Variants in RAB27B observed in about 807,000 individuals in gnomAD.
The protein encoded by RAB27B is ras-related protein Rab-27B.
In RAB27B, 15 loss-of-function variants were observed where a neutral mutation model predicts 24.6. That is an observed-to-expected ratio of 0.61 (90% CI 0.41 to 0.94). The LOEUF is 0.94. RAB27B is among the 40% of genes least tolerant of loss of function. The pLI is 0.00. For missense variants in RAB27B, 261 were observed against 266.8 expected, an observed-to-expected ratio of 0.98 and a Z score of 0.15; for synonymous variants, 105 against 92.5, an observed-to-expected ratio of 1.14 and a Z score of -0.78.
intron 2 of RAB27B, among the ~76,000 whole-genome samples, chr18:54,741,341 T>A (rs902193462): frequency 1.3e-5 from 2 of 152,146 alleles, no homozygotes; most frequent in Non-Finnish European, 2.9e-5. Context: ...CAAAGATGAA[T>A]GTATATTATT....
chr18:54,764,411 C>T (rs1319154603), intron 2 of RAB27B, among the ~76,000 whole-genome samples: 2 of 152,132 alleles, frequency 1.3e-5, no homozygotes, highest in South Asian at 2.1e-4. Flanking sequence ...AGCCATACTC[C>T]ATGTTGAGTG....
chr18:54,820,628 C>G (rs1319239967), intron 2 of RAB27B, among the ~76,000 whole-genome samples: 6 of 152,134 alleles, frequency 3.9e-5, no homozygotes, highest in East Asian at 1.9e-4. Flanking sequence ...TAATTAGATC[C>G]CATTTGTCAA....
intron 2 of RAB27B, among the ~76,000 whole-genome samples, chr18:54,757,299 T>C (rs1176215238): frequency 6.6e-6 from 1 of 152,114 alleles, no homozygotes; most frequent in Non-Finnish European, 1.5e-5. Flanking sequence ...AATGCAGAGA[T>C]AAAATTTGAG....
At chr18:54,877,872 T>C in intron 2 of RAB27B, 134 bp downstream of exon 2, 1 of 956,760 alleles carries the variant, frequency 1.0e-6, no homozygotes, top group Non-Finnish European at 1.5e-6. Context: ...TAATTTATTT[T>C]AGAATATTAT....
At chr18:54,841,703 AGGTCCACC>A (rs199523857) in intron 1 of RAB27B, among the ~76,000 whole-genome samples, 1,573 of 152,338 alleles carry the variant, frequency 0.01, 26 homozygotes, top group African/African-American at 0.034. Flanking sequence ...TTCAGCAAAC[AGGTCCACC>A]GTTGTAAACT....
intron 2 of RAB27B, among the ~76,000 whole-genome samples, chr18:54,773,703 TCTCA>T (rs971936791): frequency 1.4e-4 from 21 of 146,240 alleles, no homozygotes; most frequent in African/African-American, 5.3e-4. Flanking sequence ...TGAGACAGAG[TCTCA>T]CTCTGTCACC....
chr18:54,758,761 A>T (rs1047410480), intron 2 of RAB27B, among the ~76,000 whole-genome samples: 1 of 152,128 alleles, frequency 6.6e-6, no homozygotes, highest in African/African-American at 2.4e-5. Flanking sequence ...AAGGCATTCG[A>T]TGGTGATTCT....
intron 1 of RAB27B, among the ~76,000 whole-genome samples, chr18:54,855,916 C>A (rs1331583598): frequency 6.6e-6 from 1 of 152,176 alleles, no homozygotes; most frequent in African/African-American, 2.4e-5. Flanking sequence ...TATTATACAA[C>A]CACACTGAAT....
At chr18:54,786,712 A>G (rs891365476) in intron 2 of RAB27B, among the ~76,000 whole-genome samples, 2 of 152,230 alleles carry the variant, frequency 1.3e-5, no homozygotes, top group African/African-American at 4.8e-5. Context: ...TAAAATCACT[A>G]TGAAACCTAA....
In RAB27B at chr18:54,892,695, C is replaced by A. The variant is rs1197396244; in HGVS notation, c.*3282C>A. Reference sequence around the variant, plus strand: ...TCCATAAGAGTTTTAAAACTCTTGCCAGTTACCACTTTATCCAATTTGCTA... The same window carrying A: ...TCCATAAGAGTTTTAAAACTCTTGCAAGTTACCACTTTATCCAATTTGCTA... On this transcript the variant is annotated 3_prime_UTR_variant, in exon 6 of 6. Coordinates refer to ENST00000262094, the MANE Select transcript of RAB27B (RefSeq NM_004163.4). The A allele has an allele frequency of 1.3e-5, 2 of 152,014 alleles. No homozygotes were observed. Among genetic ancestry groups the A allele is most frequent in the Non-Finnish European group, 2.9e-5 (2 of 67,958 alleles). 9.4% of individuals were successfully genotyped at this position (152,014 alleles called of 1,614,324 possible).
chr18:54,762,850 C>T (rs894693660), intron 2 of RAB27B, among the ~76,000 whole-genome samples: 14 of 152,310 alleles, frequency 9.2e-5, no homozygotes, highest in East Asian at 1.9e-4. Context: ...CTCCAGTTTG[C>T]AGGCTCTGTG....
At chr18:54,760,677 G>A (rs1357663801) in intron 2 of RAB27B, among the ~76,000 whole-genome samples, 4 of 152,084 alleles carry the variant, frequency 2.6e-5, no homozygotes, top group South Asian at 4.1e-4. Flanking sequence ...ACAGGGTAAC[G>A]TAACACAGAG....
intron 2 of RAB27B, among the ~76,000 whole-genome samples, chr18:54,720,511 C>G (rs1248832780): frequency 1.3e-5 from 2 of 152,028 alleles, no homozygotes; most frequent in Non-Finnish European, 2.9e-5. Context: ...TTAGACATTT[C>G]TAAAAGACAG....
chr18:54,832,873 A>G (rs923583603), intron 1 of RAB27B, among the ~76,000 whole-genome samples: 4 of 152,206 alleles, frequency 2.6e-5, no homozygotes, highest in Non-Finnish European at 5.9e-5. Context: ...GGAGTTCTCA[A>G]TATAAGATAT....
intron 2 of RAB27B, among the ~76,000 whole-genome samples, chr18:54,769,456 TGTTG>T (rs386803466): frequency 1.8e-4 from 26 of 148,262 alleles, no homozygotes; most frequent in South Asian, 6.3e-4. Flanking sequence ...CTTGTTTTTT[TGTTG>T]TTGTTGTTGT....
At chr18:54,728,051 C>G (rs1026251144) in intron 2 of RAB27B, among the ~76,000 whole-genome samples, 9 of 151,872 alleles carry the variant, frequency 5.9e-5, no homozygotes, top group African/African-American at 1.9e-4. Flanking sequence ...TACACGAAAG[C>G]CAGAAATAGA....
At chr18:54,776,030 G>T (rs1480078775) in intron 2 of RAB27B, among the ~76,000 whole-genome samples, 1 of 152,254 alleles carries the variant, frequency 6.6e-6, no homozygotes, top group Non-Finnish European at 1.5e-5. Flanking sequence ...AAATCAGAAT[G>T]TGTAGAATCT....
chr18:54,880,653 T>C (rs750082327), intron 3 of RAB27B: 2 of 152,198 alleles, frequency 1.3e-5, no homozygotes, highest in African/African-American at 2.4e-5. Context: ...TCTGTTCATA[T>C]GTCAGTTTTG....
intron 2 of RAB27B, among the ~76,000 whole-genome samples, chr18:54,736,567 G>A (rs896156182): frequency 2.0e-5 from 3 of 152,138 alleles, no homozygotes; most frequent in Non-Finnish European, 4.4e-5. Context: ...TGATAAGGAA[G>A]ATAGAAAATG....
Sources: allele counts gnomAD v4.1 joint callset (sites outside exome capture counted in the v4.1 genomes callset), GRCh38; gene constraint gnomAD v4.1.1; transcripts MANE v1.5; gene names NCBI Gene and HGNC (gene_info 2026-07-23, HGNC 2026-07-21).